Variants in VPS8 observed in about 807,000 individuals in gnomAD.
VPS8 encodes VPS8 subunit of CORVET complex, also known as vacuolar protein sorting-associated protein 8 homolog.
Under a neutral mutation model 216.4 loss-of-function variants are expected in VPS8, and 129 were observed. That is an observed-to-expected ratio of 0.60 (90% CI 0.52 to 0.69). VPS8 has a LOEUF of 0.69. VPS8 is among the 30% of genes least tolerant of loss of function. VPS8 has a pLI of 0.00. For missense variants in VPS8, 1,531 were observed against 1,683.5 expected, an observed-to-expected ratio of 0.91 and a Z score of 1.59; for synonymous variants, 571 against 565.4, an observed-to-expected ratio of 1.01 and a Z score of -0.14.
At chr3:184,857,976 A>G (rs754831547) in intron 14 of VPS8, among the ~76,000 whole-genome samples, 48 of 152,178 alleles carry the variant, frequency 3.2e-4, no homozygotes, top group Admixed American at 1.2e-3. Flanking sequence ...GGCCCACATT[A>G]AGTGGTTTCA....
chr3:184,918,579 G>A (rs1738028195), intron 28 of VPS8, among the ~76,000 whole-genome samples: 1 of 152,138 alleles, frequency 6.6e-6, no homozygotes, highest in Non-Finnish European at 1.5e-5. Context: ...ACTTAATTAT[G>A]TTCACAGAAT....
chr3:184,870,854 T>C lies in VPS8; in HGVS notation c.1734+49T>C, dbSNP rs1728207154. On this transcript the variant is annotated intron_variant, in intron 21 of 47. Coordinates refer to ENST00000625842, the MANE Select transcript of VPS8 (RefSeq NM_001009921.3). ...TAGACGATGCTCTGGATAGGTCTAA[T>C]ACTCCTCTTTTATGTTACTTGAGAA... The C allele has an allele frequency of 4.8e-6, 7 of 1,464,816 alleles. No individual in the cohort carries two copies. In the East Asian group the frequency reaches 1.2e-4, roughly 25 times the overall value. 90.7% of individuals were successfully genotyped at this position (1,464,816 alleles called of 1,614,324 possible). A position where few individuals can be genotyped will look rare whatever the true frequency, so the allele number is the denominator to read the frequency against.
rs528741397 is a variant in VPS8 at position 184,985,000 on chromosome 3, T to C, written c.3585+1906T>C. On this transcript the variant is annotated intron_variant, in intron 42 of 47. Coordinates refer to ENST00000625842, the MANE Select transcript of VPS8 (RefSeq NM_001009921.3). ...GTTATACTGGCATTCATTATAATTT[T>C]TTCTTATCATTTTCTATTTTCAATG... Among the ~76,000 whole-genome samples the C allele has an allele frequency of 6.0e-4, 92 of 152,330 alleles. 1 individual carries two copies. The highest frequency in any genetic ancestry group is 2.1e-3 in the African/African-American group (89 of 41,582).
chr3:184,893,334 C>T (rs935804966), intron 22 of VPS8: 1 of 1,269,526 alleles, frequency 7.9e-7, no homozygotes, highest in East Asian at 5.7e-5. Context: ...ATAAATAAAC[C>T]ATTTACCACT....
At chr3:184,892,896 A>G (rs1160062883) in intron 22 of VPS8, among the ~76,000 whole-genome samples, 6 of 152,188 alleles carry the variant, frequency 3.9e-5, no homozygotes, top group Non-Finnish European at 8.8e-5. Flanking sequence ...ACAGAGTACA[A>G]GGGCTTCCAA....
At chr3:184,870,533 A>G (rs775577514) in intron 20 of VPS8, among the ~76,000 whole-genome samples, 183 bp from the exon 21 acceptor site, 1 of 152,232 alleles carries the variant, frequency 6.6e-6, no homozygotes, top group Non-Finnish European at 1.5e-5. Flanking sequence ...GCAAATTAGT[A>G]CTAGCCCTGA....
chr3:185,011,069 A>G (rs1216640565), intron 45 of VPS8, among the ~76,000 whole-genome samples: 1 of 151,718 alleles, frequency 6.6e-6, no homozygotes, highest in Non-Finnish European at 1.5e-5. Context: ...GTGGCCAAAT[A>G]TACATCAAAT....
chr3:185,015,772 G>GTA (rs1402165994), intron 45 of VPS8, among the ~76,000 whole-genome samples: 4 of 152,212 alleles, frequency 2.6e-5, no homozygotes, highest in African/African-American at 9.7e-5. Context: ...GAGAGGGACA[G>GTA]TAATTTTTCC....
chr3:184,948,432 C>T (rs1744080192), intron 36 of VPS8, among the ~76,000 whole-genome samples: 1 of 152,094 alleles, frequency 6.6e-6, no homozygotes, highest in Admixed American at 6.5e-5. Context: ...AGAAGGATTG[C>T]TTGAGCTAAG....
chr3:184,932,648 A>G (rs971535808), intron 34 of VPS8, among the ~76,000 whole-genome samples: 12 of 152,072 alleles, frequency 7.9e-5, no homozygotes, highest in African/African-American at 1.2e-4. Context: ...ACCTTTTTGT[A>G]TACTGTTACT....
At chr3:184,948,267 A>C (rs1297744256) in intron 36 of VPS8, among the ~76,000 whole-genome samples, 8 of 151,778 alleles carry the variant, frequency 5.3e-5, no homozygotes. Flanking sequence ...ATTATAAGAA[A>C]CCTCAGATTA....
chr3:184,979,258 G>A (rs1291583198), intron 40 of VPS8, among the ~76,000 whole-genome samples: 1 of 152,060 alleles, frequency 6.6e-6, no homozygotes, highest in Non-Finnish European at 1.5e-5. Context: ...GGTGGAGATG[G>A]GAAGAATGCA....
chr3:184,915,362 A>T lies in VPS8; in HGVS notation c.2270A>T (p.Glu757Val), dbSNP rs568526803. 6.2e-7 allele frequency: 1 copy of T among 1,611,232 alleles called. No homozygotes were observed. The highest frequency in any genetic ancestry group is 1.1e-5 in the South Asian group (1 of 90,856). The change falls in exon 28 of 48, where the codon GAA (glutamate) becomes GTA (valine). Residue 757 changes from glutamate (E) to valine (V), a missense_variant. Glu to Val is a moderately radical substitution (Grantham distance 121, BLOSUM62 -2). Around this residue, in one of 3 missense-constraint regions of VPS8, gnomAD observed 1,318 missense variants for 1,468.4 expected, o/e 0.90. Coordinates refer to ENST00000625842, the MANE Select transcript of VPS8 (RefSeq NM_001009921.3). ...LVPLVKNQVF[E>V]FLIRLHSAEA... is the part of the protein sequence containing the mutation. ...TTTTTTCCCAACTTGCAGGTTTTTG[A>T]ATTTCTAATTCGCCTGCATTCAGCA... is the stretch of plus-strand genomic sequence containing the variant.
chr3:184,904,959 G>A (rs1735222149), intron 25 of VPS8, among the ~76,000 whole-genome samples: 1 of 152,186 alleles, frequency 6.6e-6, no homozygotes. Flanking sequence ...TGGTGCCTGA[G>A]AAGTCCAAAA....
At chr3:184,868,089 G>A in intron 18 of VPS8, 30 bp downstream of exon 18, 1 of 1,609,214 alleles carries the variant, frequency 6.2e-7, no homozygotes, top group Non-Finnish European at 8.5e-7. Context: ...ACATGTCAGA[G>A]TTACTGAATT....
At chr3:184,936,435 A>C (rs1248832016) in intron 35 of VPS8, 100 bp downstream of exon 35, 9 of 1,141,306 alleles carry the variant, frequency 7.9e-6, no homozygotes, top group Non-Finnish European at 8.8e-6. Flanking sequence ...TCTTCAGTTG[A>C]CATTTATTAG....
At chr3:184,860,329 A>C (rs1176494291) in intron 15 of VPS8, among the ~76,000 whole-genome samples, 3 of 142,396 alleles carry the variant, frequency 2.1e-5, no homozygotes, top group African/African-American at 8.1e-5. Context: ...TGGGCAACAT[A>C]GTGAGACCCT....
intron 32 of VPS8, among the ~76,000 whole-genome samples, chr3:184,929,189 T>C (rs1466684044): frequency 6.6e-6 from 1 of 152,150 alleles, no homozygotes; most frequent in African/African-American, 2.4e-5. Flanking sequence ...ATCTACTATA[T>C]TAATTTTTCT....
chr3:184,957,543 A>G, intron 37 of VPS8, 22 bp downstream of exon 37: 1 of 1,594,654 alleles, frequency 6.3e-7, no homozygotes, highest in Non-Finnish European at 8.5e-7. Context: ...AATGTAAAAG[A>G]GACAAGAGTA....
Sources: gnomAD v4.1 joint callset for allele counts (sites outside exome capture counted in the v4.1 genomes callset) on GRCh38, gnomAD v4.1.1 for gene constraint, gnomAD v4.1.1 regional missense constraint, MANE v1.5 for transcripts, NCBI Gene and HGNC (gene_info 2026-07-23, HGNC 2026-07-21) for gene names.